CHL1: variants seen among roughly 807,000 people sequenced by gnomAD.
CHL1 encodes neural cell adhesion molecule L1-like protein.
A neutral mutation model predicts 141.9 loss-of-function variants in CHL1; 96 were observed. The ratio of observed to expected loss-of-function variants is 0.68; its 90% CI spans 0.57 to 0.80. The LOEUF (loss-of-function observed/expected upper bound fraction) is 0.80. Among genes scored for constraint, CHL1 ranks in the 30% least tolerant of loss-of-function variants. The probability of loss-of-function intolerance (pLI) is 0.00; values close to 1 mark genes in which losing one functional copy is unlikely to be tolerated. For missense variants in CHL1, 1,820 were observed against 1,457.2 expected, an observed-to-expected ratio of 1.25 and a Z score of -4.05; for synonymous variants, 613 against 502.2, an observed-to-expected ratio of 1.22 and a Z score of -2.95.
At chr3:224,319 A>G (rs1701129276) in intron 1 of CHL1, among the ~76,000 whole-genome samples, 1 of 152,228 alleles carries the variant, frequency 6.6e-6, no homozygotes, top group Non-Finnish European at 1.5e-5. Flanking sequence ...AGCAAGATGG[A>G]GTCAGCTATG....
intron 2 of CHL1, among the ~76,000 whole-genome samples, chr3:251,076 A>G (rs1693650774): frequency 1.3e-5 from 2 of 152,160 alleles, no homozygotes; most frequent in Non-Finnish European, 1.5e-5. Context: ...TAAGCGCCAG[A>G]ATATGGTGAT....
intron 1 of CHL1, among the ~76,000 whole-genome samples, chr3:203,204 C>G (rs745588358): frequency 6.6e-6 from 1 of 152,194 alleles, no homozygotes. Context: ...AAACCAATGT[C>G]CCTTGGACTT....
At chr3:268,344 G>C (rs904099510) in intron 2 of CHL1, among the ~76,000 whole-genome samples, 38 of 152,070 alleles carry the variant, frequency 2.5e-4, no homozygotes, top group African/African-American at 8.7e-4. Context: ...GAGCAGTCTG[G>C]CTAACATGGT....
chr3:349,356 C>T lies in CHL1; in HGVS notation c.849-3C>T, dbSNP rs933609857. 1.9e-6 allele frequency: 3 copies of T among 1,601,796 alleles called. No homozygotes were observed. Among genetic ancestry groups the T allele is most frequent in the African/African-American group, 1.4e-5 (1 of 73,904 alleles). On this transcript the variant is annotated splice_region_variant and splice_polypyrimidine_tract_variant and intron_variant, in intron 9 of 27. Coordinates refer to ENST00000256509, the MANE Select transcript of CHL1 (RefSeq NM_006614.4). ...TGTTTATTTATTTAACTATTTTTTGCAGGCCAACTCCACAGGTTGATTGGA... is the reference window on the plus strand; with the variant it reads ...TGTTTATTTATTTAACTATTTTTTGTAGGCCAACTCCACAGGTTGATTGGA...
chr3:244,924 C>T (rs951570081), intron 2 of CHL1, among the ~76,000 whole-genome samples: 1 of 151,928 alleles, frequency 6.6e-6, no homozygotes, highest in Admixed American at 6.6e-5. Context: ...AAAACCCTTA[C>T]CTTAAAGTTA....
At position 363,244 on chromosome 3, in the gene CHL1, G is replaced by A. The variant is rs369118058; in HGVS notation, c.1446G>A (p.Leu482=). 4.3e-6 allele frequency: 7 copies of A among 1,612,498 alleles called. No individual in the cohort carries two copies. The African/African-American group carries it at 9.4e-5, about 22-fold the overall frequency. Residue 482 remains leucine (L), a synonymous_variant, in exon 14 of 28, where the codon CTG becomes CTA. Coordinates refer to ENST00000256509, the MANE Select transcript of CHL1 (RefSeq NM_006614.4). The part of the protein sequence containing the change: ...SWQKVEEVKP[L]EGRRYHIYEN... ...AGAAGGTGGAAGAAGTGAAACCCCTGGAGGGCAGGCGGTATCATATCTATG... is the reference window on the plus strand; with the variant it reads ...AGAAGGTGGAAGAAGTGAAACCCCTAGAGGGCAGGCGGTATCATATCTATG...
At chr3:271,372 G>C (rs925847253) in intron 2 of CHL1, among the ~76,000 whole-genome samples, 2 of 152,212 alleles carry the variant, frequency 1.3e-5, no homozygotes, top group Non-Finnish European at 2.9e-5. Context: ...CCAGCAGTTG[G>C]AGACTGCAGT....
intron 8 of CHL1, among the ~76,000 whole-genome samples, chr3:343,716 G>A (rs1575119614): frequency 6.6e-6 from 1 of 152,146 alleles, no homozygotes; most frequent in East Asian, 1.9e-4. Context: ...ATACTTGCAA[G>A]TTCAGTGGAG....
intron 27 of CHL1, among the ~76,000 whole-genome samples, chr3:402,042 A>T (rs1015723439): frequency 7.9e-5 from 12 of 152,242 alleles, no homozygotes; most frequent in African/African-American, 2.9e-4. Flanking sequence ...CCACACACGC[A>T]TATCTGTATA....
chr3:212,081 T>C (rs184843999), intron 1 of CHL1, among the ~76,000 whole-genome samples: 1 of 152,276 alleles, frequency 6.6e-6, no homozygotes, highest in Non-Finnish European at 1.5e-5. Flanking sequence ...ACCTAAAATG[T>C]TATATATGTT....
At chr3:320,223 G>T (rs940206714) in intron 3 of CHL1, among the ~76,000 whole-genome samples, 1 of 151,922 alleles carries the variant, frequency 6.6e-6, no homozygotes, top group Admixed American at 6.6e-5. Flanking sequence ...GAAATTACTG[G>T]CATTCAACAA....
chr3:240,823 A>T (rs905771011), intron 1 of CHL1, among the ~76,000 whole-genome samples: 1 of 151,424 alleles, frequency 6.6e-6, no homozygotes, highest in African/African-American at 2.4e-5. Flanking sequence ...TGGCTTGCGA[A>T]TTATCGCAGC....
At chr3:376,306 T>A (rs569389093) in intron 15 of CHL1, 1 of 480,290 alleles carries the variant, frequency 2.1e-6, no homozygotes, top group South Asian at 1.6e-5. Context: ...ATTTGTGATT[T>A]TGACATGTGA....
chr3:401,536 C>G, intron 26 of CHL1, 90 bp from the exon 27 acceptor site: 1 of 740,382 alleles, frequency 1.4e-6, no homozygotes, highest in Non-Finnish European at 2.3e-6. Flanking sequence ...CAATGCTGTT[C>G]TTACTGACTA....
chr3:228,364 T>A lies in CHL1; in HGVS notation c.-174-16249T>A, dbSNP rs902006945. Among the ~76,000 whole-genome samples the A allele has an allele frequency of 4.1e-4, 63 of 152,264 alleles. 1 individual carries two copies. The highest frequency in any genetic ancestry group is 4.1e-3 in the Admixed American group (62 of 15,286). On this transcript the variant is annotated intron_variant, in intron 1 of 27. Transcript: ENST00000256509. ...CTTACCCCAACCACCAGAAAAATAT[T>A]TGTACTATTTCCTTCTTAAACTTTG...
Position 270,289 on chromosome 3 carries a change from C to T in CHL1, c.-95+25597C>T, listed in dbSNP as rs145631311. Among the ~76,000 whole-genome samples the T allele has an allele frequency of 8.2e-4, 125 of 152,204 alleles. 4 individuals carry two copies. The South Asian group carries it at 0.022, about 26-fold the overall frequency. On this transcript the variant is annotated intron_variant, in intron 2 of 27. Coordinates refer to ENST00000256509, the MANE Select transcript of CHL1 (RefSeq NM_006614.4). ...GAAAAAAAATGGAAATATTTCAGGC[C>T]AATGAGGGTCTTTGATAAACCAGTT... is the stretch of plus-strand genomic sequence containing the variant.
intron 2 of CHL1, among the ~76,000 whole-genome samples, chr3:265,502 C>A (rs549389562): frequency 2.0e-5 from 3 of 152,158 alleles, no homozygotes; most frequent in Non-Finnish European, 4.4e-5. Context: ...TCACACTAAC[C>A]TTTTAGTCAA....
At chr3:365,627 G>A (rs1417120970) in intron 14 of CHL1, among the ~76,000 whole-genome samples, 2 of 152,162 alleles carry the variant, frequency 1.3e-5, no homozygotes, top group Non-Finnish European at 2.9e-5. Flanking sequence ...TATATATCCA[G>A]AAGCACTTGA....
chr3:220,151 T>G (rs1468269395), intron 1 of CHL1, among the ~76,000 whole-genome samples: 3 of 152,182 alleles, frequency 2.0e-5, no homozygotes, highest in Non-Finnish European at 4.4e-5. Flanking sequence ...TTTTAAAGAC[T>G]GGGGAGGGTG....
Sources: allele counts gnomAD v4.1 joint callset (sites outside exome capture counted in the v4.1 genomes callset), GRCh38; gene constraint gnomAD v4.1.1; transcripts MANE v1.5; gene names NCBI Gene and HGNC (gene_info 2026-07-23, HGNC 2026-07-21).